The following MIS18BP1 variants were observed in gnomAD, a reference collection of about 807,000 sequenced individuals.
MIS18BP1 encodes the protein MIS18 binding protein 1.
A neutral mutation model predicts 116.1 loss-of-function variants in MIS18BP1; 72 were observed. The observed-to-expected ratio is 0.62, with a 90% CI of 0.51 to 0.75. The LOEUF (loss-of-function observed/expected upper bound fraction) is 0.75. MIS18BP1 is among the 30% of genes least tolerant of loss of function. The pLI is 0.00. For synonymous variants in MIS18BP1, 386 were observed against 427.0 expected, an observed-to-expected ratio of 0.90 and a Z score of 1.18; for missense variants, 1,363 against 1,303.2, an observed-to-expected ratio of 1.05 and a Z score of -0.71.
chr14:45,223,856 T>A, intron 11 of MIS18BP1, 62 bp downstream of exon 11: 1 of 1,251,368 alleles, frequency 8.0e-7, no homozygotes, highest in Non-Finnish European at 1.1e-6. Context: ...TTGCTATTTT[T>A]ATGTCTTTAA....
At chr14:45,212,376 T>G (rs1431345102) in intron 13 of MIS18BP1, among the ~76,000 whole-genome samples, 1 of 152,142 alleles carries the variant, frequency 6.6e-6, no homozygotes, top group Non-Finnish European at 1.5e-5. Context: ...ATAGCTAACC[T>G]TGACTGGTGA....
At position 45,242,708 on chromosome 14, in the gene MIS18BP1, C is replaced by T. The variant is rs529999473; in HGVS notation, c.658+53G>A. ...ACACAAGGAAAGTAATTACCTAGAA[C>T]ATTTAACAATATACTTAAGTAACAA... On this transcript the variant is annotated intron_variant, in intron 3 of 16. Coordinates refer to ENST00000310806, the MANE Select transcript of MIS18BP1 (RefSeq NM_018353.5). 1.7e-5 allele frequency: 25 copies of T among 1,514,296 alleles called. 1 individual carries two copies. The Admixed American group carries it at 2.7e-4, about 16-fold the overall frequency. The allele number at this position is 1,514,296 out of a possible 1,614,324, so 93.8% of individuals were successfully genotyped here. A position where few individuals can be genotyped will look rare whatever the true frequency, so the allele number is the denominator to read the frequency against.
chr14:45,231,083 T>C lies in MIS18BP1; in HGVS notation c.1594+58A>G, dbSNP rs191902151. On this transcript the variant is annotated intron_variant, in intron 8 of 16. Transcript: ENST00000310806. Reference sequence around the variant, plus strand: ...TATACACATTATAAACCATAAACAATGTAGACCATGTAAGAACTTAACCAC... The same window carrying C: ...TATACACATTATAAACCATAAACAACGTAGACCATGTAAGAACTTAACCAC... 1.4e-5 allele frequency: 21 copies of C among 1,549,716 alleles called. No homozygotes were observed. The Admixed American group carries it at 1.6e-4, about 12-fold the overall frequency.
At chr14:45,238,860 G>C (rs545613623) in intron 4 of MIS18BP1, among the ~76,000 whole-genome samples, 15 of 152,150 alleles carry the variant, frequency 9.9e-5, no homozygotes, top group Non-Finnish European at 1.9e-4. Flanking sequence ...TAAGCCATGG[G>C]TCTCAGTAGT....
intron 14 of MIS18BP1, 128 bp from the exon 15 acceptor site, chr14:45,206,298 T>G: frequency 3.0e-6 from 2 of 664,000 alleles, no homozygotes; most frequent in South Asian, 2.0e-5. Context: ...AATGTATTTC[T>G]TTTTTTGAAA....
intron 11 of MIS18BP1, among the ~76,000 whole-genome samples, chr14:45,221,811 A>G (rs1387301749): frequency 6.6e-6 from 1 of 152,220 alleles, no homozygotes; most frequent in African/African-American, 2.4e-5. Flanking sequence ...AGTCAGTTCT[A>G]TCAAATACCA....
At position 45,224,501 on chromosome 14, in the gene MIS18BP1, T is replaced by C. The variant is rs772578826; in HGVS notation, c.2086A>G (p.Met696Val). 13 of 1,612,152 alleles carry C rather than the reference T, an allele frequency of 8.1e-6. No individual in the cohort carries two copies. Among genetic ancestry groups the C allele is most frequent in the Middle Eastern group, 1.6e-4 (1 of 6,080 alleles). ...TCAAATGTATTTTCTAAAGTCCCCA[T>C]GGACTTGCTGATGGGACTTTTTTTT... ...CQKKSPISKS[M>V]GTLENTFEGH... is the part of the protein sequence containing the mutation. The change falls in exon 11 of 17, where the codon ATG (methionine) becomes GTG (valine). Residue 696 changes from methionine to valine, a missense_variant. Transcript: ENST00000310806.
rs1594516816 is a variant in MIS18BP1, at chr14:45,231,231, T to G, written c.1504A>C (p.Arg502=). 5 of 1,613,958 alleles carry G rather than the reference T, an allele frequency of 3.1e-6. No homozygotes were observed. The highest frequency in any genetic ancestry group is 4.2e-6 in the Non-Finnish European group (5 of 1,179,858). ...QKTGRSVRDI[R]KSMKNDAREN... ...CGTGCATCATTTTTCATTGATTTCC[T>G]TATGTCACGGACAGATCTTCCAGTT... Residue 502 remains arginine, a synonymous_variant, in exon 8 of 17, where the codon AGG becomes CGG. Transcript: ENST00000310806.
intron 13 of MIS18BP1, among the ~76,000 whole-genome samples, chr14:45,211,214 T>G (rs149915457): frequency 6.9e-4 from 105 of 152,320 alleles, no homozygotes; most frequent in African/African-American, 2.4e-3. Context: ...CACACCATGC[T>G]CATTTATCTG....
Position 45,216,151 on chromosome 14 carries a change from T to A in MIS18BP1, c.3003+868A>T, listed in dbSNP as rs541067087. 9.2e-5 allele frequency among the ~76,000 whole-genome samples: 14 copies of A among 152,346 alleles called. No individual in the cohort carries two copies. In the South Asian group the frequency reaches 2.9e-3, roughly 32 times the overall value. On this transcript the variant is annotated intron_variant, in intron 13 of 16. Transcript: ENST00000310806. ...TGTTTCCAGTTTTTTGCTATGAAGA[T>A]AAAACTGCAATAAGTATCTTGCAAA... is the stretch of plus-strand genomic sequence containing the variant.
intron 11 of MIS18BP1, among the ~76,000 whole-genome samples, chr14:45,218,961 A>G (rs1890898506): frequency 6.7e-6 from 1 of 150,340 alleles, no homozygotes; most frequent in South Asian, 2.1e-4. Flanking sequence ...TGCTCTCTTA[A>G]TTAAGGAAAA....
At chr14:45,214,854 C>T (rs746939347) in intron 13 of MIS18BP1, among the ~76,000 whole-genome samples, 10 of 152,164 alleles carry the variant, frequency 6.6e-5, no homozygotes, top group Non-Finnish European at 1.5e-5. Flanking sequence ...TGGGTTCAAG[C>T]GATTATCTCA....
intron 6 of MIS18BP1, among the ~76,000 whole-genome samples, chr14:45,233,975 A>G (rs1214646631): frequency 6.6e-6 from 1 of 152,174 alleles, no homozygotes; most frequent in African/African-American, 2.4e-5. Flanking sequence ...GCAGTGTATT[A>G]AAAGAAAGAG....
chr14:45,217,533 G>A (rs1890856216), intron 12 of MIS18BP1, among the ~76,000 whole-genome samples: 1 of 152,036 alleles, frequency 6.6e-6, no homozygotes. Flanking sequence ...TGGGATTTGT[G>A]CAATATGATT....
Position 45,217,047 on chromosome 14 carries a change from G to A in MIS18BP1, c.2975C>T (p.Thr992Ile), listed in dbSNP as rs752746562. Residue 992 changes from threonine (T) to isoleucine (I), a missense_variant, in exon 13 of 17, where the codon ACA becomes ATA. By Grantham distance (89) the Thr-to-Ile change is moderately conservative. Transcript: ENST00000310806. ...PKDDHDDFFS[T>I]TPLQHQRILL... ...TATTCTTTGATGCTGTAAAGGTGTT[G>A]TACTGAAAAAATCATCATGGTCATC... is the stretch of plus-strand genomic sequence containing the variant. 12 of 1,614,048 alleles carry A rather than the reference G, an allele frequency of 7.4e-6. No individual in the cohort carries two copies. In the South Asian group the frequency reaches 1.2e-4, roughly 16 times the overall value.
At chr14:45,209,512 T>G (rs953065060) in intron 14 of MIS18BP1, among the ~76,000 whole-genome samples, 4 of 152,016 alleles carry the variant, frequency 2.6e-5, no homozygotes, top group African/African-American at 7.2e-5. Flanking sequence ...GGGTTTTTTT[T>G]GTAGAAATGG....
chr14:45,222,193 T>C (rs888489382), intron 11 of MIS18BP1, among the ~76,000 whole-genome samples: 3 of 152,228 alleles, frequency 2.0e-5, no homozygotes, highest in Non-Finnish European at 2.9e-5. Context: ...ATTCTGACAA[T>C]ATGTCTTTTA....
intron 10 of MIS18BP1, among the ~76,000 whole-genome samples, chr14:45,225,386 AT>A (rs879808814): frequency 2.9e-4 from 43 of 148,190 alleles, no homozygotes; most frequent in Non-Finnish European, 3.2e-4. Context: ...GTATGGTTTG[AT>A]TTTTTTTTTT....
chr14:45,228,937 TTTTG>T (rs1891201326), intron 8 of MIS18BP1, among the ~76,000 whole-genome samples: 4 of 152,270 alleles, frequency 2.6e-5, no homozygotes, highest in Admixed American at 1.3e-4. Flanking sequence ...TTAGATGTGG[TTTTG>T]TTTTTTTCAT....
Sources: gnomAD v4.1 joint callset for allele counts (sites outside exome capture counted in the v4.1 genomes callset) on GRCh38, gnomAD v4.1.1 for gene constraint, MANE v1.5 for transcripts, NCBI Gene and HGNC (gene_info 2026-07-23, HGNC 2026-07-21) for gene names.